RNF215: variants seen among roughly 807,000 people sequenced by gnomAD.
RNF215 encodes ring finger protein 215.
A neutral mutation model predicts 44.8 loss-of-function variants in RNF215; 41 were observed. That is an observed-to-expected ratio of 0.92 (90% confidence interval 0.71 to 1.19). The LOEUF (loss-of-function observed/expected upper bound fraction) is 1.19, where lower values mean the gene tolerates loss of function less well. Among genes scored for constraint, RNF215 ranks in the 50% most tolerant of loss-of-function variants. The pLI is 0.00. For missense variants in RNF215, 452 were observed against 496.2 expected, an observed-to-expected ratio of 0.91 and a Z score of 0.85; for synonymous variants, 218 against 230.1, an observed-to-expected ratio of 0.95 and a Z score of 0.48.
rs934346812 is a variant in RNF215 at position 30,384,194 on chromosome 22, G to A, written c.744+145C>T. 7.0e-6 allele frequency: 6 copies of A among 857,894 alleles called. No homozygotes were observed. In the East Asian group the frequency reaches 1.6e-4, roughly 23 times the overall value. 53.1% of individuals were successfully genotyped at this position (857,894 alleles called of 1,614,324 possible). On this transcript the variant is annotated intron_variant, in intron 5 of 8. Transcript: ENST00000382363. ...GAGCGCCCACCTACACCATGTCTCTGAACACTCACAGCACTCCTGTGGGGT... is the reference window on the plus strand; with the variant it reads ...GAGCGCCCACCTACACCATGTCTCTAAACACTCACAGCACTCCTGTGGGGT...
At chr22:30,386,565 T>C (rs1290567472) in intron 2 of RNF215, 51 bp downstream of exon 2, 1 of 1,575,394 alleles carries the variant, frequency 6.3e-7, no homozygotes, top group Admixed American at 1.8e-5. Flanking sequence ...CTCTAGCAGA[T>C]GCCTTGGAAT....
Position 30,386,062 on chromosome 22 carries a change from C to T in RNF215, c.501+8G>A, listed in dbSNP as rs754103401. The T allele has an allele frequency of 4.6e-5, 75 of 1,613,522 alleles. 2 individuals carry two copies. In the South Asian group the frequency reaches 7.6e-4, roughly 16 times the overall value. Reference sequence around the variant, plus strand: ...GCTTGCTTACCCTCACGGCCTGGTCCGATTTACCTCTCGGACCACGTTGTG... The same window carrying T: ...GCTTGCTTACCCTCACGGCCTGGTCTGATTTACCTCTCGGACCACGTTGTG... On this transcript the variant is annotated splice_region_variant and intron_variant, in intron 3 of 8. Coordinates refer to ENST00000382363, the MANE Select transcript of RNF215 (RefSeq NM_001017981.2).
chr22:30,382,289 G>A (rs1244781608), intron 5 of RNF215, among the ~76,000 whole-genome samples: 1 of 151,670 alleles, frequency 6.6e-6, no homozygotes, highest in African/African-American at 2.4e-5. Flanking sequence ...CTGTAGTCCC[G>A]CTTACTAGGG....
chr22:30,386,484 TG>T, intron 2 of RNF215, 131 bp downstream of exon 2: 1 of 1,123,812 alleles, frequency 8.9e-7, no homozygotes, highest in Non-Finnish European at 1.3e-6. Flanking sequence ...TTCTTCAAAC[TG>T]GGGTGCCCTG....
At chr22:30,385,179 T>C (rs1601759713) in intron 4 of RNF215, among the ~76,000 whole-genome samples, 1 of 152,056 alleles carries the variant, frequency 6.6e-6, no homozygotes, top group Admixed American at 6.5e-5. Flanking sequence ...CCCAGCACTT[T>C]GGGAGGCCGA....
chr22:30,384,654 T>C (rs1601759426), intron 4 of RNF215, 159 bp from the exon 5 acceptor site: 2 of 596,008 alleles, frequency 3.4e-6, no homozygotes, highest in East Asian at 5.9e-5. Flanking sequence ...TTTTTCCAAT[T>C]TTCACACCAG....
intron 8 of RNF215, 29 bp from the exon 9 acceptor site, chr22:30,379,651 G>A (rs1569198105): frequency 6.4e-7 from 1 of 1,552,080 alleles, no homozygotes; most frequent in Non-Finnish European, 8.7e-7. Flanking sequence ...AGAACAGGGA[G>A]AGAGGCATCA....
In RNF215 at chr22:30,379,413, A is replaced by T. The variant is rs1177241217; in HGVS notation, c.*187T>A. On this transcript the variant is annotated 3_prime_UTR_variant, in exon 9 of 9. Transcript: ENST00000382363. ...TGACAGGTCCCAGCCCTAGATCCTC[A>T]GTCTGAAGCTGTGGGGCCCTCCTTC... The T allele has an allele frequency of 6.0e-6, 4 of 666,200 alleles. No homozygotes were observed. The Admixed American group carries it at 1.1e-4, about 19-fold the overall frequency. The allele number at this position is 666,200 out of a possible 1,614,324, so 41.3% of individuals were successfully genotyped here.
rs191884317 is a variant in RNF215, at chr22:30,380,601, C to T, written c.745-200G>A. On this transcript the variant is annotated intron_variant, in intron 5 of 8. Coordinates refer to ENST00000382363, the MANE Select transcript of RNF215 (RefSeq NM_001017981.2). This position sits in a 1 kb window ranked among gnomAD's most constrained non-coding sequence, Gnocchi z 5.3. The stretch of plus-strand genomic sequence containing the variant: ...TCAGGATCACTCACTCTGCCCTACA[C>T]GTCTTCCCATCCAGCTCCAAGGAGA... Among the ~76,000 whole-genome samples, 73 of 152,276 alleles carry T rather than the reference C, an allele frequency of 4.8e-4. No individual in the cohort carries two copies. Among genetic ancestry groups the T allele is most frequent in the Middle Eastern group, 3.4e-3 (1 of 294 alleles).
Position 30,386,650 on chromosome 22 carries a change from C to T in RNF215, c.395G>A (p.Gly132Asp). ...CAGGGCCTTGGGATAGGCCTGCGGGCCACTGCCCTTATTCTCCTGGTGGAA... is the reference window on the plus strand; with the variant it reads ...CAGGGCCTTGGGATAGGCCTGCGGGTCACTGCCCTTATTCTCCTGGTGGAA... The part of the protein sequence containing the change: ...AQFHQENKGS[G>D]PQAYPKALVQ... The change falls in exon 2 of 9, where the codon GGC becomes GAC. Residue 132 changes from glycine (G) to aspartate (D), a missense_variant. Gly to Asp is a moderately conservative substitution (Grantham distance 94). Coordinates refer to ENST00000382363, the MANE Select transcript of RNF215 (RefSeq NM_001017981.2). 1.2e-6 allele frequency: 2 copies of T among 1,613,292 alleles called. No individual in the cohort carries two copies. Among genetic ancestry groups the T allele is most frequent in the South Asian group, 1.1e-5 (1 of 91,090 alleles).
chr22:30,381,352 T>C (rs1412821263), intron 5 of RNF215, among the ~76,000 whole-genome samples: 1 of 152,178 alleles, frequency 6.6e-6, no homozygotes, highest in Non-Finnish European at 1.5e-5. Flanking sequence ...GAAACATGAC[T>C]GAGAGAACAC....
chr22:30,384,015 A>G (rs1487397008), intron 5 of RNF215, among the ~76,000 whole-genome samples: 1 of 152,306 alleles, frequency 6.6e-6, no homozygotes, highest in East Asian at 1.9e-4. Flanking sequence ...AAAGGACTAG[A>G]AAAATAGAGT....
rs970751306 is a variant in RNF215 at position 30,387,364 on chromosome 22, G to A, written c.-51C>T. On this transcript the variant is annotated 5_prime_UTR_variant, in exon 1 of 9. Transcript: ENST00000382363. ...CAGTGGGGCCAGGGGTCCCGGGCGC[G>A]GGGGGGATCGGAGGGAGCGAGGCCG... 10 of 1,021,770 alleles carry A rather than the reference G, an allele frequency of 9.8e-6. No individual in the cohort carries two copies. The highest frequency in any genetic ancestry group is 1.7e-4 in the East Asian group (2 of 11,864). 63.3% of individuals were successfully genotyped at this position (1,021,770 alleles called of 1,614,324 possible). A position where few individuals can be genotyped will look rare whatever the true frequency, so the allele number is the denominator to read the frequency against.
chr22:30,380,546 G>GA lies in RNF215; in HGVS notation c.745-146dup. On this transcript the variant is annotated intron_variant, in intron 5 of 8. Coordinates refer to ENST00000382363, the MANE Select transcript of RNF215 (RefSeq NM_001017981.2). The surrounding 1 kb of genome is among the most constrained non-coding windows in gnomAD (Gnocchi z 5.3). ...CCTGCAGTCCCCAGCTTCCTCTTCT[G>GA]AAGGCTCCGTCTCTTCCATTGTGTG... 1.0e-6 allele frequency: 1 copy of GA among 988,646 alleles called. No individual in the cohort carries two copies. The highest frequency in any genetic ancestry group is 1.5e-6 in the Non-Finnish European group (1 of 681,010). The allele number at this position is 988,646 out of a possible 1,614,324, so 61.2% of individuals were successfully genotyped here. A position where few individuals can be genotyped will look rare whatever the true frequency, so the allele number is the denominator to read the frequency against.
In RNF215 at chr22:30,384,353, G is replaced by C; in HGVS notation, c.730C>G (p.Arg244Gly). 1 of 1,613,408 alleles carries C rather than the reference G, an allele frequency of 6.2e-7. No individual in the cohort carries two copies. Among genetic ancestry groups the C allele is most frequent in the Non-Finnish European group, 8.5e-7 (1 of 1,179,532 alleles). ...WQDLVCLGGS[R>G]AQEQKPLQQL... ...CTAGCACCCACCTGCTCCTGGGCAC[G>C]ACTGCCTCCAAGGCAGACCAAGTCC... The change falls in exon 5 of 9, where the codon CGT (arginine) becomes GGT (glycine). Residue 244 changes from arginine (R) to glycine (G), a missense_variant. Coordinates refer to ENST00000382363, the MANE Select transcript of RNF215 (RefSeq NM_001017981.2).
Position 30,380,309 on chromosome 22 carries a change from C to T in RNF215, c.837G>A (p.Arg279=). ...GGCCTCCGAGCTCCCGCTGGCTCTGCCGCGACGCCTGCCGCTGGGCCTGGA... is the reference window on the plus strand; with the variant it reads ...GGCCTCCGAGCTCCCGCTGGCTCTGTCGCGACGCCTGCCGCTGGGCCTGGA... The part of the protein sequence containing the change: ...LVVQAQRQAS[R]QSQRELGGQV... The change falls in exon 6 of 9, where the codon CGG becomes CGA. Residue 279 remains arginine (R), a synonymous_variant. Transcript: ENST00000382363. The surrounding 1 kb of genome is among the most constrained non-coding windows in gnomAD (Gnocchi z 5.3). The T allele has an allele frequency of 6.2e-7, 1 of 1,611,002 alleles. No individual in the cohort carries two copies. Among genetic ancestry groups the T allele is most frequent in the South Asian group, 1.1e-5 (1 of 90,924 alleles).
Position 30,387,388 on chromosome 22 carries a change from C to A in RNF215, c.-75G>T, listed in dbSNP as rs577165983. 7 of 946,208 alleles carry A rather than the reference C, an allele frequency of 7.4e-6. No homozygotes were observed. Among genetic ancestry groups the A allele is most frequent in the African/African-American group, 1.9e-5 (1 of 51,336 alleles). The allele number at this position is 946,208 out of a possible 1,614,324, so 58.6% of individuals were successfully genotyped here. A position where few individuals can be genotyped will look rare whatever the true frequency, so the allele number is the denominator to read the frequency against. Reference sequence around the variant, plus strand: ...CGGGGGGGATCGGAGGGAGCGAGGCCGCTGCCGGACGGGGCGGGGCGCCGG... The same window carrying A: ...CGGGGGGGATCGGAGGGAGCGAGGCAGCTGCCGGACGGGGCGGGGCGCCGG... On this transcript the variant is annotated 5_prime_UTR_variant, in exon 1 of 9. Transcript: ENST00000382363.
At chr22:30,383,920 G>A (rs760015924) in intron 5 of RNF215, among the ~76,000 whole-genome samples, 6 of 152,180 alleles carry the variant, frequency 3.9e-5, no homozygotes, top group Non-Finnish European at 7.3e-5. Context: ...AGGTGTCCAC[G>A]TCTACAGCCA....
chr22:30,383,666 C>T (rs550954031), intron 5 of RNF215, among the ~76,000 whole-genome samples: 7 of 152,250 alleles, frequency 4.6e-5, no homozygotes, highest in South Asian at 2.1e-4. Flanking sequence ...TGATGCCAAG[C>T]GCTGGAAATC....
Sources: allele counts gnomAD v4.1 joint callset (sites outside exome capture counted in the v4.1 genomes callset), GRCh38; gene constraint gnomAD v4.1.1; non-coding constraint Gnocchi (gnomAD v3.1); transcripts MANE v1.5; gene names NCBI Gene and HGNC (gene_info 2026-07-23, HGNC 2026-07-21).